The following CYSLTR1 variants were observed in gnomAD, a reference collection of about 807,000 sequenced individuals.
CYSLTR1 encodes the protein cysteinyl leukotriene receptor 1.
A neutral mutation model predicts 2.1 loss-of-function variants in CYSLTR1; 1 was observed. The observed-to-expected ratio is 0.48, with a 90% CI of 0.17 to 2.28. CYSLTR1 has a LOEUF of 2.28. CYSLTR1 is among the 30% of genes most tolerant of loss of function. CYSLTR1 has a pLI of 0.26. For missense variants in CYSLTR1, 299 were observed against 250.1 expected, an observed-to-expected ratio of 1.20 and a Z score of -1.32; for synonymous variants, 110 against 89.6, an observed-to-expected ratio of 1.23 and a Z score of -1.28.
At chrX:78,304,635 G>A (rs1173624852) in intron 1 of CYSLTR1, among the ~76,000 whole-genome samples, 1 of 110,393 alleles carries the variant, frequency 9.1e-6, no homozygotes, top group Admixed American at 9.7e-5. Context: ...AACTCCCCAG[G>A]CCTCCACAAA....
chrX:78,288,056 GC>G (rs1157813706), intron 1 of CYSLTR1, among the ~76,000 whole-genome samples: 1 of 110,224 alleles, frequency 9.1e-6, no homozygotes, highest in African/African-American at 3.3e-5. Context: ...AAAATAATTA[GC>G]CATGTATGGC....
chrX:78,314,929 A>T (rs1923353856), intron 1 of CYSLTR1, among the ~76,000 whole-genome samples: 1 of 108,326 alleles, frequency 9.2e-6, no homozygotes, highest in African/African-American at 3.4e-5. Flanking sequence ...CTACAGAGAC[A>T]CCAACCAGGC....
intron 1 of CYSLTR1, among the ~76,000 whole-genome samples, chrX:78,293,074 A>G (rs907453038): frequency 3.6e-5 from 4 of 111,516 alleles, no homozygotes; most frequent in Non-Finnish European, 7.5e-5. Context: ...TTAGAGCATC[A>G]ACAGTCTTTA....
At position 78,273,205 on chromosome X, in the gene CYSLTR1, T is replaced by A. The variant is rs1921381299; in HGVS notation, c.542A>T (p.Gln181Leu). ...TKCFEPPQDN[Q>L]TKNHVLVLHY... ...CAAGACCAAAACATGATTTTTAGTT[T>A]GATTGTCTTGTGGGGGCTCAAAGCA... Residue 181 changes from glutamine to leucine, a missense_variant, in exon 3 of 3, where the codon CAA (glutamine) becomes CTA (leucine). Transcript: ENST00000373304. 1 of 1,209,164 alleles carries A rather than the reference T, an allele frequency of 8.3e-7. No homozygotes were observed. The highest frequency in any genetic ancestry group is 1.8e-5 in the South Asian group (1 of 56,731).
chrX:78,282,377 A>G (rs1603409585), intron 2 of CYSLTR1, among the ~76,000 whole-genome samples: 1 of 112,554 alleles, frequency 8.9e-6, no homozygotes, highest in East Asian at 2.8e-4. Flanking sequence ...GCACATATGT[A>G]TCTTGCCCAT....
At chrX:78,276,076 A>T (rs1430819896) in intron 2 of CYSLTR1, among the ~76,000 whole-genome samples, 1 of 112,375 alleles carries the variant, frequency 8.9e-6, no homozygotes, top group Non-Finnish European at 1.9e-5. Flanking sequence ...CGTTGTAGCC[A>T]TTCATTCTTG....
At chrX:78,314,116 T>C (rs900104706) in intron 1 of CYSLTR1, among the ~76,000 whole-genome samples, 2 of 110,940 alleles carry the variant, frequency 1.8e-5, no homozygotes, top group Middle Eastern at 4.2e-3. Flanking sequence ...GTTTAGGACA[T>C]AGGAGAATTT....
At chrX:78,317,486 C>T (rs971880681) in intron 1 of CYSLTR1, among the ~76,000 whole-genome samples, 2 of 112,023 alleles carry the variant, frequency 1.8e-5, no homozygotes, top group African/African-American at 6.5e-5. Context: ...TGGGTTTCTA[C>T]CCAAAGGAAA....
intron 2 of CYSLTR1, among the ~76,000 whole-genome samples, chrX:78,274,788 G>C (rs1921500344): frequency 9.0e-6 from 1 of 110,858 alleles, no homozygotes; most frequent in East Asian, 2.8e-4. Flanking sequence ...AGAGTGAACA[G>C]GCAACCTACA....
chrX:78,285,954 T>C (rs969945637), intron 1 of CYSLTR1, among the ~76,000 whole-genome samples: 6 of 111,902 alleles, frequency 5.4e-5, no homozygotes, highest in Admixed American at 3.8e-4. Flanking sequence ...ATGATTTTGA[T>C]TTTAATTGTT....
At position 78,327,565 on chromosome X, in the gene CYSLTR1, T is replaced by C. The variant is rs201005832; in HGVS notation, c.-375A>G. 8.9e-6 allele frequency: 1 copy of C among 111,794 alleles called. No homozygotes were observed. Among genetic ancestry groups the C allele is most frequent in the Non-Finnish European group, 1.9e-5 (1 of 53,197 alleles). 9.2% of individuals were successfully genotyped at this position (111,794 alleles called of 1,213,427 possible). ...CAGGGCACATTTGCTAGCCAATATA[T>C]ACAGATATACAGATTCTTCTTCCTC... On this transcript the variant is annotated 5_prime_UTR_variant, in exon 1 of 3. Transcript: ENST00000373304.
At chrX:78,279,333 C>A (rs1022728308) in intron 2 of CYSLTR1, among the ~76,000 whole-genome samples, 3 of 111,476 alleles carry the variant, frequency 2.7e-5, no homozygotes, top group African/African-American at 9.8e-5. Flanking sequence ...TAGATGCAGC[C>A]AACAAACATA....
chrX:78,308,654 A>G (rs1181810892), intron 1 of CYSLTR1, among the ~76,000 whole-genome samples: 2 of 112,247 alleles, frequency 1.8e-5, no homozygotes, highest in East Asian at 5.6e-4. Context: ...AGAACTTACT[A>G]CTTTCTGCCT....
rs773797603 is a variant in CYSLTR1, at chrX:78,297,825, T to C, written c.-114-14285A>G. Among the ~76,000 whole-genome samples, 6 of 111,742 alleles carry C rather than the reference T, an allele frequency of 5.4e-5. No individual in the cohort carries two copies. In the South Asian group the frequency reaches 1.9e-3, roughly 35 times the overall value. On this transcript the variant is annotated intron_variant, in intron 1 of 2. Coordinates refer to ENST00000373304, the MANE Select transcript of CYSLTR1 (RefSeq NM_006639.4). ...TTTGCTTAACTTTTCAAAAAACTGA[T>C]TTTTTGTTTCATTGATCTTTCATAC... is the stretch of plus-strand genomic sequence containing the variant.
At chrX:78,282,595 C>G (rs1921887802) in intron 2 of CYSLTR1, among the ~76,000 whole-genome samples, 1 of 111,739 alleles carries the variant, frequency 8.9e-6, no homozygotes, top group African/African-American at 3.3e-5. Context: ...TAAGGCTAAC[C>G]ATAATGTTAA....
intron 1 of CYSLTR1, among the ~76,000 whole-genome samples, chrX:78,294,162 T>C (rs956141380): frequency 8.9e-6 from 1 of 112,202 alleles, no homozygotes; most frequent in Non-Finnish European, 1.9e-5. Flanking sequence ...ACAGATGTGG[T>C]TTTGGTGTGG....
In CYSLTR1 at chrX:78,284,227, C is replaced by T. The variant is rs1921958619; in HGVS notation, c.-114-687G>A. ...CAAGAGATGAGCAGAGATGGGCTTT[C>T]TTGAAGGAGGAGCAACTTGAATGCT... On this transcript the variant is annotated intron_variant, in intron 1 of 2. Transcript: ENST00000373304. 2.7e-5 allele frequency among the ~76,000 whole-genome samples: 3 copies of T among 111,545 alleles called. No homozygotes were observed. In the Admixed American group the frequency reaches 2.9e-4, roughly 11 times the overall value.
chrX:78,319,953 TG>T (rs1305852374), intron 1 of CYSLTR1: 1 of 111,892 alleles, frequency 8.9e-6, no homozygotes, highest in Non-Finnish European at 1.9e-5. Context: ...CACTTTTTGA[TG>T]GGGTTGTTTT....
At chrX:78,308,205 T>G (rs1011138085) in intron 1 of CYSLTR1, among the ~76,000 whole-genome samples, 1 of 111,945 alleles carries the variant, frequency 8.9e-6, no homozygotes, top group South Asian at 3.7e-4. Context: ...TACATAGCCA[T>G]GTATCCATTC....
Sources: allele counts gnomAD v4.1 joint callset (sites outside exome capture counted in the v4.1 genomes callset), GRCh38; gene constraint gnomAD v4.1.1; transcripts MANE v1.5; gene names NCBI Gene and HGNC (gene_info 2026-07-23, HGNC 2026-07-21).